The following DYM variants were observed in gnomAD, a reference collection of about 807,000 sequenced individuals.
DYM encodes the protein dymeclin, also known as dyggve-Melchior-Clausen syndrome protein.
In DYM, 78 loss-of-function variants were observed where a neutral mutation model predicts 93.1. The ratio of observed to expected loss-of-function variants is 0.84; its 90% CI spans 0.70 to 1.01. The LOEUF (loss-of-function observed/expected upper bound fraction) is 1.01, where lower values mean the gene tolerates loss of function less well. DYM is among the 50% of genes least tolerant of loss of function. The pLI is 0.00. For missense variants in DYM, 789 were observed against 845.0 expected, an observed-to-expected ratio of 0.93 and a Z score of 0.82; for synonymous variants, 321 against 319.7, an observed-to-expected ratio of 1.00 and a Z score of -0.04.
At chr18:49,325,459 C>T (rs2062815278) in intron 8 of DYM, among the ~76,000 whole-genome samples, 1 of 152,094 alleles carries the variant, frequency 6.6e-6, no homozygotes, top group Non-Finnish European at 1.5e-5. Context: ...AGGACACAAT[C>T]CTGAAGAAAA....
Position 49,269,538 on chromosome 18 carries a change from C to T in DYM, c.1251+2640G>A, listed in dbSNP as rs1013883491. On this transcript the variant is annotated intron_variant, in intron 11 of 17. Coordinates refer to ENST00000675505, the MANE Select transcript of DYM (RefSeq NM_001353214.3). ...GCAGCACTATTCAGAATAGCCAAGA[C>T]AGACACAGCCAGAGAGTCCGTCGAC... 2.0e-5 allele frequency among the ~76,000 whole-genome samples: 3 copies of T among 152,172 alleles called. No individual in the cohort carries two copies. In the South Asian group the frequency reaches 6.2e-4, roughly 32 times the overall value.
chr18:49,204,266 A>G (rs2092352186), intron 14 of DYM, among the ~76,000 whole-genome samples: 1 of 152,236 alleles, frequency 6.6e-6, no homozygotes, highest in African/African-American at 2.4e-5. Context: ...AATGTGTGTT[A>G]GAAAATAATT....
intron 17 of DYM, among the ~76,000 whole-genome samples, chr18:49,046,837 T>C (rs1392306306): frequency 3.9e-5 from 6 of 152,284 alleles, no homozygotes; most frequent in Non-Finnish European, 1.5e-5. Context: ...GAGGCTTCAG[T>C]GAGCTAGAAT....
chr18:49,068,791 C>T (rs1303210959), intron 17 of DYM, among the ~76,000 whole-genome samples: 1 of 152,152 alleles, frequency 6.6e-6, no homozygotes, highest in Non-Finnish European at 1.5e-5. Flanking sequence ...ATTTCCTCTC[C>T]AGAAGTGATT....
chr18:49,037,164 CAT>C lies in DYM; in HGVS notation c.*6889_*6890del, dbSNP rs779652429. ...TGACTCCCAAAGTGCTGGGATTACA[CAT>C]GTGAGCCAACATGCCCAGCCAATGA... On this transcript the variant is annotated 3_prime_UTR_variant, in exon 18 of 18. Coordinates refer to ENST00000675505, the MANE Select transcript of DYM (RefSeq NM_001353214.3). Among the ~76,000 whole-genome samples the C allele has an allele frequency of 3.9e-4, 60 of 152,260 alleles. No individual in the cohort carries two copies. The highest frequency in any genetic ancestry group is 8.5e-4 in the Admixed American group (13 of 15,290).
chr18:49,152,502 C>T (rs554030139), intron 15 of DYM, among the ~76,000 whole-genome samples: 121 of 152,244 alleles, frequency 7.9e-4, no homozygotes, highest in Non-Finnish European at 1.5e-3. Context: ...GAGGAGTTTG[C>T]TTACTCGCTA....
chr18:49,425,933 T>C (rs2074241425), intron 2 of DYM, among the ~76,000 whole-genome samples: 2 of 151,954 alleles, frequency 1.3e-5, no homozygotes, highest in South Asian at 4.1e-4. Flanking sequence ...TAGGAACACT[T>C]TTACACTGTT....
At chr18:49,373,300 C>A (rs912960849) in intron 5 of DYM, among the ~76,000 whole-genome samples, 3 of 152,096 alleles carry the variant, frequency 2.0e-5, no homozygotes, top group African/African-American at 7.2e-5. Context: ...AGAACGGCTA[C>A]TCCAGAGACA....
At chr18:49,148,455 C>A (rs7236064) in intron 15 of DYM, among the ~76,000 whole-genome samples, 23,258 of 151,668 alleles carry the variant, frequency 0.15, 2,082 homozygotes, top group East Asian at 0.39. Flanking sequence ...ACAGGGTCTC[C>A]CTATATTGCT....
chr18:49,256,001 G>A (rs1294096796), intron 13 of DYM, among the ~76,000 whole-genome samples: 1 of 146,068 alleles, frequency 6.8e-6, no homozygotes, highest in East Asian at 2.1e-4. Flanking sequence ...GGAGAATGAC[G>A]TGAACCCAGG....
chr18:49,399,889 A>C (rs1025276597), intron 2 of DYM, among the ~76,000 whole-genome samples: 1 of 150,912 alleles, frequency 6.6e-6, no homozygotes, highest in African/African-American at 2.4e-5. Flanking sequence ...CTCAAGTTTA[A>C]ATTTCTGTTA....
intron 13 of DYM, among the ~76,000 whole-genome samples, chr18:49,210,037 A>G (rs927839803): frequency 1.3e-5 from 2 of 152,214 alleles, no homozygotes; most frequent in Non-Finnish European, 2.9e-5. Flanking sequence ...GAATGGCCCA[A>G]ATCCAGAGCA....
intron 14 of DYM, chr18:49,206,011 G>GTTTTTTTTTTTTTTTTTTTTTTT (rs61590334): frequency 2.6e-4 from 36 of 136,014 alleles, no homozygotes; most frequent in Non-Finnish European, 4.6e-4. Flanking sequence ...TTGTTTTTTT[G>GTTTTTTTTTTTTTTTTTTTTTTT]TTTTTTGCGG....
At chr18:49,333,558 G>A (rs1189607262) in intron 7 of DYM, among the ~76,000 whole-genome samples, 170 bp downstream of exon 7, 3 of 152,190 alleles carry the variant, frequency 2.0e-5, no homozygotes, top group African/African-American at 7.2e-5. Context: ...TGGGTAGATG[G>A]CACAGGAAAG....
intron 15 of DYM, among the ~76,000 whole-genome samples, chr18:49,159,051 C>T (rs924115439): frequency 6.6e-6 from 1 of 152,034 alleles, no homozygotes; most frequent in African/African-American, 2.4e-5. Flanking sequence ...AAAAAGAATA[C>T]TCTAATACCA....
chr18:49,138,071 C>G (rs2084047072), intron 15 of DYM, among the ~76,000 whole-genome samples: 1 of 152,046 alleles, frequency 6.6e-6, no homozygotes, highest in Non-Finnish European at 1.5e-5. Flanking sequence ...CCTCATCAAG[C>G]AAAATGTTTA....
intron 13 of DYM, among the ~76,000 whole-genome samples, chr18:49,254,972 G>A (rs1201076273): frequency 2.0e-5 from 3 of 152,078 alleles, no homozygotes; most frequent in South Asian, 2.1e-4. Flanking sequence ...ATTTTAAATC[G>A]TGAAGTTCAC....
chr18:49,084,723 G>A (rs761035653), intron 17 of DYM, among the ~76,000 whole-genome samples: 2 of 152,136 alleles, frequency 1.3e-5, no homozygotes, highest in Non-Finnish European at 2.9e-5. Context: ...TCAGTGGACA[G>A]GAACAAATGT....
chr18:49,116,700 T>G (rs1393882369), intron 16 of DYM, among the ~76,000 whole-genome samples: 1 of 152,238 alleles, frequency 6.6e-6, no homozygotes, highest in Non-Finnish European at 1.5e-5. Context: ...TTTACTTTCC[T>G]TAATAACTGG....
Sources: allele counts gnomAD v4.1 joint callset (sites outside exome capture counted in the v4.1 genomes callset), GRCh38; gene constraint gnomAD v4.1.1; transcripts MANE v1.5; gene names NCBI Gene and HGNC (gene_info 2026-07-23, HGNC 2026-07-21).